SYTL2: variants seen among roughly 807,000 people sequenced by gnomAD.
The protein encoded by SYTL2 is synaptotagmin-like protein 2.
A neutral mutation model predicts 198.7 loss-of-function variants in SYTL2; 165 were observed. The observed-to-expected ratio is 0.83, with a 90% confidence interval of 0.73 to 0.94. SYTL2 has a LOEUF of 0.94. Among genes scored for constraint, SYTL2 ranks in the 40% least tolerant of loss-of-function variants. The probability of loss-of-function intolerance (pLI) is 0.00; values close to 1 mark genes in which losing one functional copy is unlikely to be tolerated. For missense variants in SYTL2, 2,835 were observed against 2,582.8 expected, an observed-to-expected ratio of 1.10 and a Z score of -2.12; for synonymous variants, 966 against 917.7, an observed-to-expected ratio of 1.05 and a Z score of -0.95.
rs1264496805 is a variant in SYTL2, at chr11:85,714,487, GT to G, written c.5550del (p.Gln1850HisfsTer15). On this transcript the variant is annotated frameshift_variant, in exon 12 of 20. Transcript: ENST00000359152. LOFTEE classifies it high-confidence loss of function. ...CVPRISTVPT[Q>X]PDNPFSHPDK... ...TCAGGGTGAGAAAATGGATTATCAG[GT>G]TGTGTAGGCACTGTGGAAACTAAAC... 6.2e-7 allele frequency: 1 copy of G among 1,613,402 alleles called. No homozygotes were observed. Among genetic ancestry groups the G allele is most frequent in the Non-Finnish European group, 8.5e-7 (1 of 1,179,434 alleles).
chr11:85,793,237 T>C (rs954792371), intron 1 of SYTL2, among the ~76,000 whole-genome samples: 3 of 151,690 alleles, frequency 2.0e-5, no homozygotes, highest in African/African-American at 7.3e-5. Flanking sequence ...TAGTTTACAG[T>C]CCCACCAACA....
chr11:85,763,931 C>T (rs1479967323), intron 1 of SYTL2, among the ~76,000 whole-genome samples: 1 of 152,214 alleles, frequency 6.6e-6, no homozygotes, highest in Admixed American at 6.5e-5. Context: ...ATGTGACAAT[C>T]AGAGACTCTT....
At chr11:85,790,889 C>T (rs942564051) in intron 1 of SYTL2, among the ~76,000 whole-genome samples, 5 of 151,982 alleles carry the variant, frequency 3.3e-5, no homozygotes, top group Non-Finnish European at 5.9e-5. Flanking sequence ...GTAGGCTGGG[C>T]GTGGTGGCTC....
chr11:85,717,326 T>C (rs2087468291), intron 11 of SYTL2, among the ~76,000 whole-genome samples, 157 bp downstream of exon 11: 1 of 152,202 alleles, frequency 6.6e-6, no homozygotes, highest in Admixed American at 6.5e-5. Context: ...GTAAAATGTT[T>C]TCAATAAAAC....
Position 85,718,794 on chromosome 11 carries a change from T to C in SYTL2, c.5478A>G (p.Glu1826=). 6.2e-7 allele frequency: 1 copy of C among 1,613,424 alleles called. No homozygotes were observed. The highest frequency in any genetic ancestry group is 1.3e-5 in the African/African-American group (1 of 75,026). The change falls in exon 10 of 20, where the codon GAA becomes GAG. Residue 1826 remains glutamate (E), a synonymous_variant. Coordinates refer to ENST00000359152, the MANE Select transcript of SYTL2 (RefSeq NM_206927.4). ...CAAATACATAAAGATATTTACCATCTTCAGCACTACGCACTAATTCTTCTG... is the reference window on the plus strand; with the variant it reads ...CAAATACATAAAGATATTTACCATCCTCAGCACTACGCACTAATTCTTCTG... ...NQPEELVRSA[E]DDEKPDQKPV...
the SYTL2 span, among the ~76,000 whole-genome samples, chr11:85,835,087 T>C: frequency 6.6e-6 from 1 of 152,140 alleles, no homozygotes; most frequent in Non-Finnish European, 1.5e-5. Context: ...CTTATAACAT[T>C]TTCAACTTAT....
chr11:85,756,581 G>A (rs1221202368), intron 2 of SYTL2, among the ~76,000 whole-genome samples: 1 of 152,114 alleles, frequency 6.6e-6, no homozygotes, highest in Admixed American at 6.5e-5. Context: ...CATCAAATGG[G>A]GTAATTATAT....
At chr11:85,785,364 C>A (rs968633669) in intron 1 of SYTL2, among the ~76,000 whole-genome samples, 1 of 152,168 alleles carries the variant, frequency 6.6e-6, no homozygotes, top group African/African-American at 2.4e-5. Context: ...AATGAACCCC[C>A]GTCAGGTACG....
At chr11:85,814,935 A>T (rs2093059722), upstream of SYTL2, among the ~76,000 whole-genome samples, 1 of 152,140 alleles carries the variant, frequency 6.6e-6, no homozygotes, top group Non-Finnish European at 1.5e-5. Context: ...TGTATTCCTC[A>T]AGCATTTTCT....
At chr11:85,787,576 T>C (rs1369389232) in intron 1 of SYTL2, among the ~76,000 whole-genome samples, 1 of 152,112 alleles carries the variant, frequency 6.6e-6, no homozygotes, top group Admixed American at 6.6e-5. Context: ...ACAAGGGCAT[T>C]TGTGGGTAGC....
chr11:85,822,240 A>G, the SYTL2 span, among the ~76,000 whole-genome samples: 2 of 152,252 alleles, frequency 1.3e-5, no homozygotes, highest in African/African-American at 4.8e-5. Flanking sequence ...CTACCAGATC[A>G]ATGATCTCGG....
intron 1 of SYTL2, among the ~76,000 whole-genome samples, chr11:85,770,006 G>A (rs571575176): frequency 6.6e-6 from 1 of 152,158 alleles, no homozygotes; most frequent in Non-Finnish European, 1.5e-5. Context: ...ACAGCTGGGG[G>A]CTCAGATGTT....
Position 85,730,496 on chromosome 11 carries a change from A to C in SYTL2, c.1391-2529T>G, listed in dbSNP as rs942138164. On this transcript the variant is annotated intron_variant, in intron 7 of 19. Coordinates refer to ENST00000359152, the MANE Select transcript of SYTL2 (RefSeq NM_206927.4). Reference sequence around the variant, plus strand: ...AAACAGAACCAATGACAAAAACCACATGATTATCTCAATAGATGCAGAAAA... The same window carrying C: ...AAACAGAACCAATGACAAAAACCACCTGATTATCTCAATAGATGCAGAAAA... Among the ~76,000 whole-genome samples the C allele has an allele frequency of 2.6e-5, 4 of 152,182 alleles. No homozygotes were observed. In the East Asian group the frequency reaches 7.7e-4, roughly 29 times the overall value.
chr11:85,826,227 T>C, the SYTL2 span, among the ~76,000 whole-genome samples: 407 of 152,338 alleles, frequency 2.7e-3, 2 homozygotes, highest in Non-Finnish European at 3.9e-3. Context: ...GCACTGCTTA[T>C]GTCAGGATGC....
chr11:85,820,412 C>A, the SYTL2 span, among the ~76,000 whole-genome samples: 3 of 152,152 alleles, frequency 2.0e-5, no homozygotes, highest in Non-Finnish European at 2.9e-5. Flanking sequence ...AGAACCCCTG[C>A]CTAGAGTGAG....
At chr11:85,776,427 G>A (rs1052477664) in intron 1 of SYTL2, among the ~76,000 whole-genome samples, 1 of 152,164 alleles carries the variant, frequency 6.6e-6, no homozygotes, top group African/African-American at 2.4e-5. Context: ...AGGCCCCGGT[G>A]TGTTATGTTC....
chr11:85,727,815 T>G lies in SYTL2; in HGVS notation c.1543A>C (p.Thr515Pro), dbSNP rs756109897. ...AGAACTTTAAATATGGAATCATCAG[T>G]TGACTTCTTTATCTCAGTGGCATAT... is the stretch of plus-strand genomic sequence containing the variant. Reference protein sequence around the residue: ...GPYATEIKKSTDDSIFKVLDW... With the variant: ...GPYATEIKKSPDDSIFKVLDW... Residue 515 changes from threonine to proline, a missense_variant, in exon 8 of 20, where the codon ACT (threonine) becomes CCT (proline). Physicochemically the swap from Thr to Pro is conservative, Grantham distance 38. Coordinates refer to ENST00000359152, the MANE Select transcript of SYTL2 (RefSeq NM_206927.4). 5.0e-6 allele frequency: 8 copies of G among 1,608,504 alleles called. No homozygotes were observed. Among genetic ancestry groups the G allele is most frequent in the Non-Finnish European group, 5.9e-6 (7 of 1,177,640 alleles).
chr11:85,820,848 T>C, the SYTL2 span, among the ~76,000 whole-genome samples: 1 of 152,260 alleles, frequency 6.6e-6, no homozygotes, highest in Non-Finnish European at 1.5e-5. Context: ...ACTAAATGCA[T>C]GTTATATCTC....
At chr11:85,850,959 A>G in the SYTL2 span, among the ~76,000 whole-genome samples, 1 of 144,488 alleles carries the variant, frequency 6.9e-6, no homozygotes, top group Non-Finnish European at 1.5e-5. Context: ...TCTCACTCAC[A>G]GGTGGGAACT....
Sources: gnomAD v4.1 joint callset for allele counts (sites outside exome capture counted in the v4.1 genomes callset) on GRCh38, gnomAD v4.1.1 for gene constraint, MANE v1.5 for transcripts, NCBI Gene and HGNC (gene_info 2026-07-23, HGNC 2026-07-21) for gene names.